Variants in MMP28 observed in about 807,000 individuals in gnomAD.
The protein encoded by MMP28 is matrix metallopeptidase 28, also known as matrix metalloproteinase-28.
Under a neutral mutation model 60.5 loss-of-function variants are expected in MMP28, and 55 were observed. That is an observed-to-expected ratio of 0.91 (90% CI 0.73 to 1.14). The LOEUF (loss-of-function observed/expected upper bound fraction) is 1.14. MMP28 is among the 50% of genes most tolerant of loss of function. The pLI, the probability that MMP28 is intolerant of heterozygous loss-of-function variation, is 0.00. For synonymous variants in MMP28, 318 were observed against 312.5 expected, an observed-to-expected ratio of 1.02 and a Z score of -0.18; for missense variants, 686 against 738.3, an observed-to-expected ratio of 0.93 and a Z score of 0.82.
intron 7 of MMP28, 121 bp from the exon 8 acceptor site, chr17:35,767,015 A>G (rs554995425): frequency 3.2e-6 from 3 of 925,960 alleles, no homozygotes; most frequent in African/African-American, 1.6e-5. Flanking sequence ...GTTGGTATTC[A>G]TATCAATCAA....
intron 1 of MMP28, 111 bp from the exon 2 acceptor site, chr17:35,779,434 C>A: frequency 2.3e-6 from 2 of 854,598 alleles, no homozygotes; most frequent in Non-Finnish European, 3.7e-6. Flanking sequence ...GTCTTTTGCC[C>A]AAGAGGGTCT....
intron 6 of MMP28, 86 bp downstream of exon 6, chr17:35,768,144 A>G: frequency 6.7e-7 from 1 of 1,485,372 alleles, no homozygotes; most frequent in Non-Finnish European, 9.0e-7. Flanking sequence ...TTTACAGTCC[A>G]TCCCCCCAAC....
chr17:35,761,518 A>T (rs961343071), downstream of MMP28, among the ~76,000 whole-genome samples: 24 of 151,776 alleles, frequency 1.6e-4, no homozygotes, highest in African/African-American at 5.3e-4. Flanking sequence ...GGCACAAGTG[A>T]TTCTCCTGAC....
Position 35,779,303 on chromosome 17 carries a change from T to A in MMP28, c.132A>T (p.Gly44=), listed in dbSNP as rs1555608664. The change falls in exon 2 of 8, where the codon GGA becomes GGT. Residue 44 remains glycine (G), a synonymous_variant. Coordinates refer to ENST00000605424, the MANE Select transcript of MMP28 (RefSeq NM_024302.5). ...CTTTGGGGACCTGTTCATTGAGGTA[T>A]CCGTACTTCTCTAGGAATGCCTGCG... The part of the protein sequence containing the change: ...KEAEAFLEKY[G]YLNEQVPKAP... 2 of 1,613,064 alleles carry A rather than the reference T, an allele frequency of 1.2e-6. No homozygotes were observed. The highest frequency in any genetic ancestry group is 3.3e-5 in the Admixed American group (2 of 59,884).
At chr17:35,788,566 G>A (rs2086722061) in intron 1 of MMP28, among the ~76,000 whole-genome samples, 1 of 152,086 alleles carries the variant, frequency 6.6e-6, no homozygotes, top group Non-Finnish European at 1.5e-5. Context: ...TAAGTTCTTG[G>A]GAACGGCTTC....
At chr17:35,768,047 A>G in intron 6 of MMP28, 128 bp from the exon 7 acceptor site, 1 of 1,309,374 alleles carries the variant, frequency 7.6e-7, no homozygotes, top group Non-Finnish European at 1.0e-6. Context: ...CAGTTGGCGC[A>G]GAGGGGAAAG....
chr17:35,756,288 G>T, exon 3 of MMP28: 1 of 486,046 alleles, frequency 2.1e-6, no homozygotes. Context: ...CTTAGAGACA[G>T]ATGATCCAAA....
intron 3 of MMP28, among the ~76,000 whole-genome samples, chr17:35,774,639 G>A (rs868420610): frequency 6.6e-6 from 1 of 152,202 alleles, no homozygotes; most frequent in Non-Finnish European, 1.5e-5. Flanking sequence ...CAATGCAAGT[G>A]GGGGAGGGGT....
At chr17:35,760,685 C>T (rs1994182) in intron 2 of MMP28, among the ~76,000 whole-genome samples, 2 of 151,934 alleles carry the variant, frequency 1.3e-5, no homozygotes, top group South Asian at 2.1e-4. Flanking sequence ...CAGTTTATTG[C>T]GGGCCAAAGC....
intron 1 of MMP28, among the ~76,000 whole-genome samples, chr17:35,779,948 T>G (rs2086450129): frequency 6.6e-6 from 1 of 152,234 alleles, no homozygotes; most frequent in Non-Finnish European, 1.5e-5. Flanking sequence ...CTTTTGGTAT[T>G]GATTAGGAGC....
At chr17:35,791,017 A>T (rs890884411) in intron 1 of MMP28, among the ~76,000 whole-genome samples, 1 of 151,656 alleles carries the variant, frequency 6.6e-6, no homozygotes, top group African/African-American at 2.4e-5. Flanking sequence ...GGTATGAGTC[A>T]CTGTGCCCAG....
In MMP28 at chr17:35,766,239, C is replaced by T. The variant is rs568023381; in HGVS notation, c.*261G>A. 4 of 1,268,026 alleles carry T rather than the reference C, an allele frequency of 3.2e-6. No individual in the cohort carries two copies. Among genetic ancestry groups the T allele is most frequent in the Admixed American group, 7.1e-5 (2 of 27,986 alleles). The allele number at this position is 1,268,026 out of a possible 1,614,324, so 78.5% of individuals were successfully genotyped here. On this transcript the variant is annotated 3_prime_UTR_variant, in exon 8 of 8. Coordinates refer to ENST00000605424, the MANE Select transcript of MMP28 (RefSeq NM_024302.5). The surrounding 1 kb of genome is among the most constrained non-coding windows in gnomAD (Gnocchi z 4.3). ...AAGGCCTGGGGAGGATAGAAGTCCT[C>T]GGAGGAAAGGGCCAAGGGATCTGGG... is the stretch of plus-strand genomic sequence containing the variant.
chr17:35,773,791 G>T (rs1001900474), intron 3 of MMP28, among the ~76,000 whole-genome samples: 3 of 152,184 alleles, frequency 2.0e-5, no homozygotes, highest in Non-Finnish European at 4.4e-5. Flanking sequence ...TGTGTCTGTT[G>T]CTACCAGCAA....
Position 35,770,212 on chromosome 17 carries a change from G to A in MMP28, c.705C>T (p.Phe235=). Residue 235 remains phenylalanine (F), a synonymous_variant, in exon 5 of 8, where the codon TTC becomes TTT. Coordinates refer to ENST00000605424, the MANE Select transcript of MMP28 (RefSeq NM_024302.5). ...GACCGATCTCGTGCGCCAGCACCAC[G>A]AACAGGTTGCGCCCGCGGCGGCGGC... ...SLSRRRGRNL[F]VVLAHEIGHT... is the part of the protein sequence containing the mutation. 6.2e-7 allele frequency: 1 copy of A among 1,601,934 alleles called. No individual in the cohort carries two copies. The highest frequency in any genetic ancestry group is 1.7e-4 in the Middle Eastern group (1 of 5,982).
chr17:35,773,373 G>T lies in MMP28; in HGVS notation c.411C>A (p.Tyr137Ter). The T allele has an allele frequency of 6.2e-7, 1 of 1,608,238 alleles. No homozygotes were observed. Residue 137 changes from tyrosine (Y) to a stop codon, truncating the protein, a stop_gained, in exon 4 of 8, where the codon TAC becomes TAA. Coordinates refer to ENST00000605424, the MANE Select transcript of MMP28 (RefSeq NM_024302.5). LOFTEE classifies it high-confidence loss of function. ...GNKWYKQHLS[Y>*]RLVNWPEHLP... ...GATGCTCAGGCCAGTTCACCAGGCG[G>T]TAGGAGAGGTGCTGCTTGTACCATT...
rs760282921 is a variant in MMP28 at position 35,770,279 on chromosome 17, C to G, written c.638G>C (p.Arg213Pro). 6 of 1,557,790 alleles carry G rather than the reference C, an allele frequency of 3.9e-6. No individual in the cohort carries two copies. Among genetic ancestry groups the G allele is most frequent in the South Asian group, 1.2e-5 (1 of 85,856 alleles). ...ATCTTGGTCGAAGTGCGCTTCGCCG[C>G]GGCGGGGCAGGAAGGCGTGCGCCAG... ...GALAHAFLPR[R>P]GEAHFDQDER... The change falls in exon 5 of 8, where the codon CGC (arginine) becomes CCC (proline). Residue 213 changes from arginine (R) to proline (P), a missense_variant. Physicochemically the swap from Arg to Pro is moderately radical, Grantham distance 103 (BLOSUM62 -2). Transcript: ENST00000605424.
At chr17:35,789,072 C>T (rs890390629) in intron 1 of MMP28, among the ~76,000 whole-genome samples, 1 of 152,168 alleles carries the variant, frequency 6.6e-6, no homozygotes, top group Non-Finnish European at 1.5e-5. Context: ...AGCACTTAAT[C>T]TCCTCCCTGG....
intron 2 of MMP28, chr17:35,756,445 C>G (rs1368572237): frequency 1.0e-6 from 1 of 975,690 alleles, no homozygotes; most frequent in African/African-American, 1.8e-5. Flanking sequence ...ACAGAGAGGA[C>G]GGAATGCACC....
chr17:35,774,013 C>T (rs1467956290), intron 3 of MMP28, among the ~76,000 whole-genome samples: 1 of 152,260 alleles, frequency 6.6e-6, no homozygotes, highest in African/African-American at 2.4e-5. Context: ...CTGCCCCTCT[C>T]CTCCTCGCTT....
Sources: gnomAD v4.1 joint callset for allele counts (sites outside exome capture counted in the v4.1 genomes callset) on GRCh38, gnomAD v4.1.1 for gene constraint, Gnocchi (gnomAD v3.1) non-coding constraint, MANE v1.5 for transcripts, NCBI Gene and HGNC (gene_info 2026-07-23, HGNC 2026-07-21) for gene names.